Variants in AKAP9 observed in about 807,000 individuals in gnomAD.
The protein encoded by AKAP9 is A-kinase anchor protein 9.
In AKAP9, 311 loss-of-function variants were observed where a neutral mutation model predicts 488.5. The ratio of observed to expected loss-of-function variants is 0.64; its 90% CI spans 0.58 to 0.70. AKAP9 has a LOEUF of 0.70. Among genes scored for constraint, AKAP9 ranks in the 30% least tolerant of loss-of-function variants. The pLI, the probability that AKAP9 is intolerant of heterozygous loss-of-function variation, is 0.00. For synonymous variants in AKAP9, 1,462 were observed against 1,483.5 expected (o/e 0.99, Z 0.33); for missense variants, 4,215 against 4,374.5 (o/e 0.96, Z 1.03).
intron 12 of AKAP9, among the ~76,000 whole-genome samples, chr7:92,021,441 A>G (rs1802303205): frequency 6.6e-6 from 1 of 151,998 alleles, no homozygotes. Context: ...GTATTTATTT[A>G]TTTACTTATT....
At chr7:92,034,470 G>A (rs1334257004) in intron 16 of AKAP9, among the ~76,000 whole-genome samples, 1 of 139,516 alleles carries the variant, frequency 7.2e-6, no homozygotes, top group Non-Finnish European at 1.5e-5. Flanking sequence ...TTGTATTGTA[G>A]TGTATATATC....
intron 48 of AKAP9, among the ~76,000 whole-genome samples, 170 bp from the exon 49 acceptor site, chr7:92,108,324 T>C (rs188131944): frequency 1.3e-5 from 2 of 152,348 alleles, no homozygotes; most frequent in East Asian, 1.9e-4. Flanking sequence ...TTTGAATTCA[T>C]TGGAGAGTTG....
chr7:92,102,925 T>A, intron 46 of AKAP9, 99 bp downstream of exon 46: 5 of 1,077,512 alleles, frequency 4.6e-6, no homozygotes, highest in Non-Finnish European at 5.5e-6. Context: ...TACTCTATAT[T>A]TATATAGTAG....
Position 92,096,885 on chromosome 7 carries a change from T to G in AKAP9, c.9926T>G (p.Ile3309Ser), listed in dbSNP as rs1816681439. 6.2e-7 allele frequency: 1 copy of G among 1,614,016 alleles called. No homozygotes were observed. Among genetic ancestry groups the G allele is most frequent in the African/African-American group, 1.3e-5 (1 of 74,902 alleles). The change falls in exon 41 of 50, where the codon ATT (isoleucine) becomes AGT (serine). Residue 3309 changes from isoleucine to serine, a missense_variant. Coordinates refer to ENST00000356239, the MANE Select transcript of AKAP9 (RefSeq NM_005751.5). The part of the protein sequence containing the change: ...QVLLESEKVR[I>S]REMSSTLDRE... ...CTTCTTGAATCTGAGAAAGTTCGAA[T>G]TCGGGAAATGAGTAGTACCCTAGAT...
chr7:92,052,652 TG>T, intron 21 of AKAP9, 73 bp from the exon 22 acceptor site: 1 of 1,035,564 alleles, frequency 9.7e-7, no homozygotes, highest in Non-Finnish European at 1.4e-6. Context: ...CAGTTTAGTT[TG>T]ATGTTGTTTT....
chr7:91,973,331 C>T (rs1263956958), intron 1 of AKAP9, among the ~76,000 whole-genome samples: 1 of 152,192 alleles, frequency 6.6e-6, no homozygotes, highest in East Asian at 1.9e-4. Context: ...GCTGTGATGG[C>T]GCTACTGCAC....
chr7:92,016,912 T>C (rs943239770), intron 11 of AKAP9, 105 bp from the exon 12 acceptor site: 1 of 836,168 alleles, frequency 1.2e-6, no homozygotes, highest in Non-Finnish European at 2.0e-6. Flanking sequence ...GGTTTACTTC[T>C]AGCAGGCAAT....
chr7:92,102,176 AAT>A, intron 45 of AKAP9, among the ~76,000 whole-genome samples: 1 of 138,052 alleles, frequency 7.2e-6, no homozygotes, highest in Non-Finnish European at 1.5e-5. Context: ...AAAAAAAATA[AAT>A]AAATAAATAA....
At chr7:91,980,398 T>G (rs1796239663) in intron 3 of AKAP9, 65 bp downstream of exon 3, 3 of 782,780 alleles carry the variant, frequency 3.8e-6, no homozygotes, top group Non-Finnish European at 5.8e-6. Flanking sequence ...TTGAAATCAT[T>G]GATTGTTGCT....
Position 92,065,217 on chromosome 7 carries a change from G to T in AKAP9, c.5978-14G>T. ...ATTGTGATTTAATTCAGTATATTTT[G>T]TATTAATAAACAGAATTACTACAGG... On this transcript the variant is annotated splice_polypyrimidine_tract_variant and intron_variant, in intron 24 of 49. Transcript: ENST00000356239. The T allele has an allele frequency of 6.8e-7, 1 of 1,477,280 alleles. No homozygotes were observed. The highest frequency in any genetic ancestry group is 9.4e-7 in the Non-Finnish European group (1 of 1,062,080). 91.5% of individuals were successfully genotyped at this position (1,477,280 alleles called of 1,614,324 possible).
In AKAP9 at chr7:92,108,389, T is replaced by C. The variant is rs1054796385; in HGVS notation, c.11547-105T>C. 3 of 1,075,044 alleles carry C rather than the reference T, an allele frequency of 2.8e-6. No homozygotes were observed. The African/African-American group carries it at 4.6e-5, about 17-fold the overall frequency. 66.6% of individuals were successfully genotyped at this position (1,075,044 alleles called of 1,614,324 possible). A position where few individuals can be genotyped will look rare whatever the true frequency, so the allele number is the denominator to read the frequency against. On this transcript the variant is annotated intron_variant, in intron 48 of 49. Coordinates refer to ENST00000356239, the MANE Select transcript of AKAP9 (RefSeq NM_005751.5). ...AAGCTTGGAGGAGATACATTATGTG[T>C]GTACAAGTGACCCACCTTTTTGGGG...
intron 14 of AKAP9, among the ~76,000 whole-genome samples, chr7:92,024,473 T>C (rs542655913): frequency 1.1e-3 from 168 of 150,494 alleles, no homozygotes; most frequent in Non-Finnish European, 1.8e-3. Context: ...TAACCAAATA[T>C]GTGTAAATTT....
In AKAP9 at chr7:92,027,532, C is replaced by T. The variant is rs1273874360; in HGVS notation, c.4149-2363C>T. On this transcript the variant is annotated intron_variant, in intron 14 of 49. Coordinates refer to ENST00000356239, the MANE Select transcript of AKAP9 (RefSeq NM_005751.5). ...CGCCCTTCGTCTGGGAGGTGAGGAACGCCTCTGCCCGGCTGCACCGTCTGG... is the reference window on the plus strand; with the variant it reads ...CGCCCTTCGTCTGGGAGGTGAGGAATGCCTCTGCCCGGCTGCACCGTCTGG... 2.7e-5 allele frequency among the ~76,000 whole-genome samples: 4 copies of T among 145,870 alleles called. No individual in the cohort carries two copies. The East Asian group carries it at 6.4e-4, about 23-fold the overall frequency.
At chr7:92,034,472 G>GTA (rs1804822890) in intron 16 of AKAP9, among the ~76,000 whole-genome samples, 1 of 133,494 alleles carries the variant, frequency 7.5e-6, no homozygotes, top group African/African-American at 2.8e-5. Context: ...GTATTGTAGT[G>GTA]TATATATCTA....
In AKAP9 at chr7:92,079,323, C is replaced by T. The variant is rs372568340; in HGVS notation, c.7190C>T (p.Ala2397Val). 1.9e-6 allele frequency: 3 copies of T among 1,613,870 alleles called. No individual in the cohort carries two copies. Reference protein sequence around the residue: ...QLDVVIAEKLALEQQVETANE... With the variant: ...QLDVVIAEKLVLEQQVETANE... ...GATGTGGTTATAGCTGAAAAGCTGG[C>T]CTTGGAACAGCAAGTAGAAACCGCT... Residue 2397 changes from alanine to valine, a missense_variant, in exon 31 of 50, where the codon GCC becomes GTC. Ala to Val is a moderately conservative substitution (Grantham distance 64). Transcript: ENST00000356239.
At chr7:91,965,496 G>A (rs573098560) in intron 1 of AKAP9, among the ~76,000 whole-genome samples, 2 of 152,204 alleles carry the variant, frequency 1.3e-5, no homozygotes, top group Admixed American at 6.5e-5. Context: ...AAAAAACATG[G>A]GAATGCAGCT....
At chr7:92,044,816 T>C (rs1806697214) in intron 20 of AKAP9, among the ~76,000 whole-genome samples, 192 bp from the exon 21 acceptor site, 1 of 152,158 alleles carries the variant, frequency 6.6e-6, no homozygotes. Flanking sequence ...CAAAAACAAA[T>C]CATTTTATAA....
chr7:92,087,270 C>T (rs1358273540), intron 37 of AKAP9, among the ~76,000 whole-genome samples: 1 of 152,122 alleles, frequency 6.6e-6, no homozygotes, highest in Non-Finnish European at 1.5e-5. Flanking sequence ...CGTCAATAGA[C>T]ACACTGGTAC....
chr7:92,085,403 A>AT lies in AKAP9; in HGVS notation c.8833-91dup, dbSNP rs1339733302. The AT allele has an allele frequency of 2.4e-6, 3 of 1,261,382 alleles. No individual in the cohort carries two copies. In the African/African-American group the frequency reaches 4.4e-5, roughly 19 times the overall value. 78.1% of individuals were successfully genotyped at this position (1,261,382 alleles called of 1,614,324 possible). On this transcript the variant is annotated intron_variant, in intron 35 of 49. Transcript: ENST00000356239. Reference sequence around the variant, plus strand: ...GGCTGGAGTTTTCTCTCTGCAAGCTATCTTGCTTAAAATTTATTTCTGTTT... The same window carrying AT: ...GGCTGGAGTTTTCTCTCTGCAAGCTATTCTTGCTTAAAATTTATTTCTGTTT...
Sources: gnomAD v4.1 joint callset for allele counts (sites outside exome capture counted in the v4.1 genomes callset) on GRCh38, gnomAD v4.1.1 for gene constraint, MANE v1.5 for transcripts, NCBI Gene and HGNC (gene_info 2026-07-23, HGNC 2026-07-21) for gene names.